The following KIZ variants were observed in gnomAD, a reference collection of about 807,000 sequenced individuals.
The protein encoded by KIZ is centrosomal protein kizuna.
KIZ carries 68 observed loss-of-function variants against 79.6 expected under a neutral mutation model. That is an observed-to-expected ratio of 0.85 (90% confidence interval 0.70 to 1.05). The LOEUF is 1.05. KIZ is among the 50% of genes least tolerant of loss of function. The pLI is 0.00. For missense variants in KIZ, 797 were observed against 800.4 expected (o/e 1.00, Z 0.05); for synonymous variants, 280 against 281.8 (o/e 0.99, Z 0.06).
At chr20:21,230,015 A>G (rs1007897177) in intron 10 of KIZ, among the ~76,000 whole-genome samples, 3 of 152,184 alleles carry the variant, frequency 2.0e-5, no homozygotes, top group Non-Finnish European at 4.4e-5. Flanking sequence ...TTAGAGTATA[A>G]GTTACCTCAG....
chr20:21,171,443 T>C (rs1333696430), intron 6 of KIZ, among the ~76,000 whole-genome samples: 2 of 152,174 alleles, frequency 1.3e-5, no homozygotes, highest in Non-Finnish European at 2.9e-5. Flanking sequence ...ATTTTTTAAA[T>C]GTATTTTGTT....
At chr20:21,135,168 G>C (rs1023253085) in intron 2 of KIZ, among the ~76,000 whole-genome samples, 2 of 152,146 alleles carry the variant, frequency 1.3e-5, no homozygotes, top group East Asian at 3.9e-4. Context: ...ATGGATAATT[G>C]CATGGGTAGA....
intron 6 of KIZ, among the ~76,000 whole-genome samples, chr20:21,182,797 C>A (rs376953401): frequency 2.9e-5 from 4 of 139,966 alleles, no homozygotes; most frequent in South Asian, 2.3e-4. Context: ...ACTGTCCCCC[C>A]ACCAAAAAAA....
At chr20:21,220,511 T>A (rs1350723931) in intron 9 of KIZ, among the ~76,000 whole-genome samples, 3 of 152,056 alleles carry the variant, frequency 2.0e-5, no homozygotes, top group African/African-American at 7.2e-5. Flanking sequence ...TGAGACAGAG[T>A]CTCACTCCAT....
intron 7 of KIZ, among the ~76,000 whole-genome samples, chr20:21,207,799 C>T (rs559643451): frequency 6.6e-6 from 1 of 152,116 alleles, no homozygotes; most frequent in East Asian, 1.9e-4. Context: ...GGCTCACTGC[C>T]TCCTGGGTTC....
intron 6 of KIZ, among the ~76,000 whole-genome samples, chr20:21,189,828 G>T (rs1385823986): frequency 6.6e-6 from 1 of 152,152 alleles, no homozygotes; most frequent in Non-Finnish European, 1.5e-5. Flanking sequence ...GCCTGCCGTG[G>T]TCGCCTCGCT....
intron 2 of KIZ, among the ~76,000 whole-genome samples, chr20:21,134,592 G>T (rs966296744): frequency 6.6e-6 from 1 of 151,142 alleles, no homozygotes; most frequent in Non-Finnish European, 1.5e-5. Flanking sequence ...CCCCCACCTG[G>T]AATGTTTTCC....
intron 6 of KIZ, chr20:21,197,689 T>C (rs1449844024): frequency 6.6e-6 from 1 of 152,264 alleles, no homozygotes; most frequent in Non-Finnish European, 1.5e-5. Context: ...CCATTTTATG[T>C]CTTTGTTGAG....
chr20:21,189,014 G>A (rs57940584), intron 6 of KIZ, among the ~76,000 whole-genome samples: 54,955 of 151,554 alleles, frequency 0.36, 10,374 homozygotes, highest in African/African-American at 0.47. Flanking sequence ...AGCCTGTTTT[G>A]TATTTTATTT....
intron 6 of KIZ, among the ~76,000 whole-genome samples, chr20:21,167,775 G>C (rs1011216346): frequency 7.9e-5 from 12 of 151,928 alleles, no homozygotes; most frequent in African/African-American, 2.7e-4. Flanking sequence ...TGGCCAGGCT[G>C]TTCTCAAACT....
At chr20:21,131,958 G>A in intron 1 of KIZ, 139 bp from the exon 2 acceptor site, 1 of 570,208 alleles carries the variant, frequency 1.8e-6, no homozygotes, top group South Asian at 2.3e-5. Context: ...TTTCACAAAG[G>A]TGTGATTTGG....
chr20:21,227,122 T>C (rs1034011228), intron 9 of KIZ, among the ~76,000 whole-genome samples: 17 of 152,230 alleles, frequency 1.1e-4, no homozygotes, highest in African/African-American at 4.1e-4. Flanking sequence ...CCTCCCTTGC[T>C]AACTTCAAAC....
chr20:21,230,488 C>G (rs1254875497), intron 10 of KIZ, among the ~76,000 whole-genome samples: 1 of 152,104 alleles, frequency 6.6e-6, no homozygotes, highest in African/African-American at 2.4e-5. Context: ...CAAAAAATGT[C>G]TTTTTCAGAC....
chr20:21,207,423 C>T (rs1399436050), intron 7 of KIZ, among the ~76,000 whole-genome samples: 2 of 149,704 alleles, frequency 1.3e-5, no homozygotes, highest in African/African-American at 2.5e-5. Flanking sequence ...ATATTTGTTT[C>T]AGACCCCCTC....
chr20:21,146,082 A>G (rs3762194), intron 4 of KIZ, among the ~76,000 whole-genome samples: 91,109 of 152,080 alleles, frequency 0.6, 28,267 homozygotes, highest in South Asian at 0.78. Context: ...TCTAAGCAAT[A>G]GACAAAAAGA....
At chr20:21,207,089 T>G (rs1164499926) in intron 7 of KIZ, among the ~76,000 whole-genome samples, 1 of 152,198 alleles carries the variant, frequency 6.6e-6, no homozygotes, top group Non-Finnish European at 1.5e-5. Context: ...TGGCTTTGAT[T>G]CTTTTTAAGG....
chr20:21,197,852 CACAATGGCATTCTGA>C (rs1432656931), intron 6 of KIZ: 1 of 152,108 alleles, frequency 6.6e-6, no homozygotes, highest in South Asian at 2.1e-4. Flanking sequence ...GCTCTGTAAT[CACAATGGCATTCTGA>C]AAGAAGACCT....
chr20:21,237,696 G>A (rs372213273), intron 11 of KIZ, among the ~76,000 whole-genome samples: 11 of 152,292 alleles, frequency 7.2e-5, no homozygotes, highest in East Asian at 5.8e-4. Flanking sequence ...CCTTCTGAAC[G>A]TTTCCTAAGC....
chr20:21,229,880 A>G (rs1185649057), intron 10 of KIZ, among the ~76,000 whole-genome samples: 1 of 152,168 alleles, frequency 6.6e-6, no homozygotes, highest in Non-Finnish European at 1.5e-5. Flanking sequence ...CCAGTGAGGA[A>G]AGCTAAATTT....
Sources: gnomAD v4.1 joint callset for allele counts (sites outside exome capture counted in the v4.1 genomes callset) on GRCh38, gnomAD v4.1.1 for gene constraint, MANE v1.5 for transcripts, NCBI Gene and HGNC (gene_info 2026-07-23, HGNC 2026-07-21) for gene names.